The following ZNF565 variants were observed in gnomAD, a reference collection of about 807,000 sequenced individuals.
ZNF565 encodes zinc finger protein 565.
ZNF565 carries 27 observed loss-of-function variants against 39.4 expected under a neutral mutation model. The ratio of observed to expected loss-of-function variants is 0.69; its 90% CI spans 0.51 to 0.95. ZNF565 has a LOEUF of 0.95. Among genes scored for constraint, ZNF565 ranks in the 40% least tolerant of loss-of-function variants. ZNF565 has a pLI of 0.00. For missense variants in ZNF565, 524 were observed against 621.1 expected, an observed-to-expected ratio of 0.84 and a Z score of 1.66; for synonymous variants, 185 against 216.6, an observed-to-expected ratio of 0.85 and a Z score of 1.28.
intron 1 of ZNF565, among the ~76,000 whole-genome samples, chr19:36,229,300 T>C (rs750528022): frequency 3.3e-4 from 50 of 152,232 alleles, no homozygotes; most frequent in Non-Finnish European, 6.3e-4. Context: ...CATGGACTCC[T>C]CTGCCTACCT....
At chr19:36,215,825 C>T (rs956197042), upstream of ZNF565, among the ~76,000 whole-genome samples, 3 of 152,084 alleles carry the variant, frequency 2.0e-5, no homozygotes, top group African/African-American at 7.2e-5. Flanking sequence ...TATAACGGCG[C>T]CCAGGATGAG....
intron 1 of ZNF565, among the ~76,000 whole-genome samples, chr19:36,227,622 A>C (rs1977131118): frequency 6.6e-6 from 1 of 151,714 alleles, no homozygotes; most frequent in Non-Finnish European, 1.5e-5. Flanking sequence ...ACAAGGTCTC[A>C]CTCTGTCAGG....
At chr19:36,243,583 G>A (rs1273817260) in intron 1 of ZNF565, among the ~76,000 whole-genome samples, 1 of 152,172 alleles carries the variant, frequency 6.6e-6, no homozygotes, top group Non-Finnish European at 1.5e-5. Context: ...TTTGGCTTTG[G>A]AAGGAGGGAA....
chr19:36,217,293 C>T (rs1162468557), upstream of ZNF565, among the ~76,000 whole-genome samples: 7 of 151,570 alleles, frequency 4.6e-5, no homozygotes, highest in Non-Finnish European at 1.5e-5. Context: ...GAACTCTTGA[C>T]CTCAAGTGAT....
chr19:36,184,309 C>G (rs1599908146), intron 4 of ZNF565, among the ~76,000 whole-genome samples: 1 of 151,822 alleles, frequency 6.6e-6, no homozygotes, highest in Non-Finnish European at 1.5e-5. Context: ...CTCTGTCGCC[C>G]AGGCTGGAAT....
chr19:36,222,780 T>G (rs1245038846), intron 1 of ZNF565, among the ~76,000 whole-genome samples: 3 of 15,066 alleles, frequency 2.0e-4, no homozygotes, highest in Non-Finnish European at 3.0e-4. Flanking sequence ...AGTGGTGGCT[T>G]TTTTTTTTTT....
chr19:36,206,472 A>G (rs1463008902), intron 1 of ZNF565, among the ~76,000 whole-genome samples: 1 of 152,034 alleles, frequency 6.6e-6, no homozygotes, highest in Non-Finnish European at 1.5e-5. Flanking sequence ...AAAAAAAAGA[A>G]AAAAGATGAG....
chr19:36,199,131 T>C (rs1469661091), intron 2 of ZNF565, among the ~76,000 whole-genome samples: 1 of 152,180 alleles, frequency 6.6e-6, no homozygotes, highest in Non-Finnish European at 1.5e-5. Context: ...TATTATACGC[T>C]TGCTAATATT....
intron 1 of ZNF565, among the ~76,000 whole-genome samples, chr19:36,234,888 G>T (rs559302052): frequency 6.6e-6 from 1 of 152,074 alleles, no homozygotes; most frequent in South Asian, 2.1e-4. Flanking sequence ...CTTTGTTCTC[G>T]TGACTGGACA....
chr19:36,214,193 C>T (rs144887748), intron 1 of ZNF565, among the ~76,000 whole-genome samples: 36 of 151,446 alleles, frequency 2.4e-4, no homozygotes, highest in Admixed American at 3.3e-4. Context: ...AATACACAAG[C>T]GGCGTCACCA....
chr19:36,245,495 T>A lies in ZNF565; in HGVS notation c.36A>T (p.Ala12=). The A allele has an allele frequency of 1.4e-6, 1 of 702,044 alleles. No individual in the cohort carries two copies. Among genetic ancestry groups the A allele is most frequent in the Non-Finnish European group, 2.6e-6 (1 of 384,770 alleles). The allele number at this position is 702,044 out of a possible 1,614,324, so 43.5% of individuals were successfully genotyped here. A position where few individuals can be genotyped will look rare whatever the true frequency, so the allele number is the denominator to read the frequency against. Residue 12 remains alanine (A), a synonymous_variant, in exon 1 of 5, where the codon GCA becomes GCT. Transcript: ENST00000355114. The surrounding 1 kb of genome is among the most constrained non-coding windows in gnomAD (Gnocchi z 4.4). ...GGTTACCTGCGTCCAGGCGGTGACT[T>A]GCGAGGGACCACCTTTCCCAGGGTC...
At chr19:36,210,040 A>G (rs1176909419) in intron 1 of ZNF565, among the ~76,000 whole-genome samples, 1 of 152,048 alleles carries the variant, frequency 6.6e-6, no homozygotes, top group East Asian at 1.9e-4. Context: ...AGGAAGGAGA[A>G]TCACCTGAGG....
At chr19:36,192,052 G>A (rs1364795346) in intron 4 of ZNF565, among the ~76,000 whole-genome samples, 1 of 145,398 alleles carries the variant, frequency 6.9e-6, no homozygotes, top group African/African-American at 2.6e-5. Context: ...GCAGTGGCGT[G>A]ATCTTGGCTC....
intron 4 of ZNF565, among the ~76,000 whole-genome samples, chr19:36,185,099 C>T (rs1568409720): frequency 6.7e-6 from 1 of 150,050 alleles, no homozygotes; most frequent in Admixed American, 6.7e-5. Context: ...GCCTGGAAGA[C>T]AGAGTGAGAG....
intron 1 of ZNF565, among the ~76,000 whole-genome samples, chr19:36,244,623 C>T (rs1395202849): frequency 2.6e-5 from 4 of 151,904 alleles, no homozygotes; most frequent in Non-Finnish European, 5.9e-5. Context: ...GAGGCCGAGG[C>T]CGGTGGATCA....
intron 1 of ZNF565, among the ~76,000 whole-genome samples, chr19:36,210,394 A>G (rs1202340358): frequency 7.1e-6 from 1 of 140,206 alleles, no homozygotes; most frequent in Non-Finnish European, 1.5e-5. Flanking sequence ...ATTGCACTCC[A>G]GCCTGGGCAA....
At position 36,245,526 on chromosome 19, in the gene ZNF565, C is replaced by G; in HGVS notation, c.5G>C (p.Arg2Pro). Residue 2 changes from arginine to proline, a missense_variant, in exon 1 of 5, where the codon CGC (arginine) becomes CCC (proline). Coordinates refer to the ZNF565 transcript ENST00000355114. The surrounding 1 kb of genome is among the most constrained non-coding windows in gnomAD (Gnocchi z 4.4). ...GGACCACCTTTCCCAGGGTCCACGG[C>G]GCATTTAGGTGGTGGCTTGCTCTGG... is the stretch of plus-strand genomic sequence containing the variant. 1 of 702,168 alleles carries G rather than the reference C, an allele frequency of 1.4e-6. No homozygotes were observed. Among genetic ancestry groups the G allele is most frequent in the African/African-American group, 1.7e-5 (1 of 57,296 alleles). The allele number at this position is 702,168 out of a possible 1,614,324, so 43.5% of individuals were successfully genotyped here. A position where few individuals can be genotyped will look rare whatever the true frequency, so the allele number is the denominator to read the frequency against.
At chr19:36,214,476 G>A (rs1976503962) in intron 1 of ZNF565, 146 bp downstream of exon 1, 1 of 153,142 alleles carries the variant, frequency 6.5e-6, no homozygotes, top group Non-Finnish European at 1.5e-5. Context: ...GCGGTTACAC[G>A]TGCACAGTTG....
At chr19:36,238,279 TCAGTA>T (rs1356874591) in intron 1 of ZNF565, 1 of 167,124 alleles carries the variant, frequency 6.0e-6, no homozygotes, top group East Asian at 1.9e-4. Flanking sequence ...CTCATAAAAC[TCAGTA>T]CTATCTATTG....
Sources: allele counts gnomAD v4.1 joint callset (sites outside exome capture counted in the v4.1 genomes callset), GRCh38; gene constraint gnomAD v4.1.1; non-coding constraint Gnocchi (gnomAD v3.1); transcripts MANE v1.5; gene names NCBI Gene and HGNC (gene_info 2026-07-23, HGNC 2026-07-21).